SULT1C3: variants seen among roughly 807,000 people sequenced by gnomAD.
SULT1C3 encodes sulfotransferase 1C3.
Under a neutral mutation model 28.4 loss-of-function variants are expected in SULT1C3, and 31 were observed. That is an observed-to-expected ratio of 1.09 (90% CI 0.82 to 1.47). SULT1C3 has a LOEUF of 1.47. Among genes scored for constraint, SULT1C3 ranks in the 40% most tolerant of loss-of-function variants. The pLI, the probability that SULT1C3 is intolerant of heterozygous loss-of-function variation, is 0.00. For missense variants in SULT1C3, 307 were observed against 272.5 expected, an observed-to-expected ratio of 1.13 and a Z score of -0.89; for synonymous variants, 106 against 92.2, an observed-to-expected ratio of 1.15 and a Z score of -0.86.
At position 108,258,786 on chromosome 2, in the gene SULT1C3, C is replaced by G. The variant is rs776302968; in HGVS notation, c.579C>G (p.Asp193Glu). The change falls in exon 6 of 8, where the codon GAC (aspartate) becomes GAG (glutamate). Residue 193 changes from aspartate to glutamate, a missense_variant. By Grantham distance (45) the Asp-to-Glu change is conservative. Coordinates refer to ENST00000681802, the MANE Select transcript of SULT1C3 (RefSeq NM_001320878.2). ...DHVKGWWAAKDMHRILYLFYE... is the reference protein window; with the variant it reads ...DHVKGWWAAKEMHRILYLFYE... Reference sequence around the variant, plus strand: ...TGAAAGGATGGTGGGCTGCAAAAGACATGCACCGGATCCTCTACCTCTTCT... The same window carrying G: ...TGAAAGGATGGTGGGCTGCAAAAGAGATGCACCGGATCCTCTACCTCTTCT... 4.3e-6 allele frequency: 7 copies of G among 1,612,988 alleles called. No individual in the cohort carries two copies. In the East Asian group the frequency reaches 1.6e-4, roughly 36 times the overall value.
chr2:108,262,797 G>T (rs372175014), downstream of SULT1C3, among the ~76,000 whole-genome samples: 2 of 152,050 alleles, frequency 1.3e-5, no homozygotes, highest in African/African-American at 4.8e-5. Flanking sequence ...ACTGAGGGTC[G>T]GGCTGCTATT....
chr2:108,257,738 A>C (rs141549070), intron 5 of SULT1C3, among the ~76,000 whole-genome samples: 87 of 152,220 alleles, frequency 5.7e-4, no homozygotes, highest in African/African-American at 1.8e-3. Context: ...ATCTATGTAT[A>C]GGAAAAAACA....
downstream of SULT1C3, among the ~76,000 whole-genome samples, chr2:108,263,764 C>A (rs776702980): frequency 4.0e-4 from 61 of 152,172 alleles, no homozygotes; most frequent in Non-Finnish European, 7.9e-4. Flanking sequence ...AGTGCAAGTC[C>A]ATGACAATGT....
chr2:108,264,363 A>T (rs988264996), downstream of SULT1C3, among the ~76,000 whole-genome samples: 3 of 152,150 alleles, frequency 2.0e-5, no homozygotes, highest in African/African-American at 7.2e-5. Context: ...TCCTCCTCTT[A>T]GTGACCTTCT....
At chr2:108,254,379 G>A (rs1320763960) in intron 4 of SULT1C3, among the ~76,000 whole-genome samples, 1 of 151,914 alleles carries the variant, frequency 6.6e-6, no homozygotes, top group Non-Finnish European at 1.5e-5. Context: ...TTTTCATAGA[G>A]GGCCCCTACA....
intron 4 of SULT1C3, among the ~76,000 whole-genome samples, chr2:108,255,177 T>C (rs1347579007): frequency 6.6e-6 from 1 of 152,076 alleles, no homozygotes; most frequent in Non-Finnish European, 1.5e-5. Context: ...TCTCAACTCA[T>C]TGAGACACAG....
At chr2:108,253,243 A>G in intron 3 of SULT1C3, 102 bp from the exon 4 acceptor site, 2 of 686,190 alleles carry the variant, frequency 2.9e-6, no homozygotes, top group Non-Finnish European at 4.3e-6. Flanking sequence ...CAATGGATAT[A>G]AAACAAAATA....
downstream of SULT1C3, chr2:108,264,957 T>G (rs748538273): frequency 1.2e-6 from 2 of 1,613,936 alleles, no homozygotes; most frequent in African/African-American, 1.3e-5. Flanking sequence ...CTATACCACT[T>G]TGCCCACCAG....
downstream of SULT1C3, among the ~76,000 whole-genome samples, chr2:108,264,089 T>C (rs1676079179): frequency 6.6e-6 from 1 of 152,198 alleles, no homozygotes; most frequent in Non-Finnish European, 1.5e-5. Flanking sequence ...CAAAGTTTAA[T>C]CCATATAAAC....
intron 2 of SULT1C3, among the ~76,000 whole-genome samples, chr2:108,248,645 T>C (rs1420202392): frequency 6.6e-6 from 1 of 152,082 alleles, no homozygotes; most frequent in Non-Finnish European, 1.5e-5. Context: ...CTCCATGAGA[T>C]CAGGCAAGGA....
chr2:108,242,642 C>T (rs1391343671), intron 1 of SULT1C3, among the ~76,000 whole-genome samples: 2 of 152,114 alleles, frequency 1.3e-5, no homozygotes, highest in Non-Finnish European at 2.9e-5. Flanking sequence ...AATGTGAAAC[C>T]CCCAAAACAT....
chr2:108,258,454 A>G (rs1488147821), intron 5 of SULT1C3, among the ~76,000 whole-genome samples: 1 of 152,102 alleles, frequency 6.6e-6, no homozygotes, highest in Admixed American at 6.6e-5. Context: ...CTGAAACTAA[A>G]CATGGTTTAC....
At chr2:108,243,992 G>T (rs1461330846) in intron 1 of SULT1C3, among the ~76,000 whole-genome samples, 1 of 152,194 alleles carries the variant, frequency 6.6e-6, no homozygotes, top group Non-Finnish European at 1.5e-5. Context: ...GGCCAAGTTT[G>T]TTACTATTAT....
downstream of SULT1C3, among the ~76,000 whole-genome samples, chr2:108,260,909 T>C (rs1226336397): frequency 6.6e-6 from 1 of 152,150 alleles, no homozygotes; most frequent in Non-Finnish European, 1.5e-5. Context: ...ATGAGTTTTT[T>C]TGTTTGTTTG....
At chr2:108,243,238 T>C (rs536962463) in intron 1 of SULT1C3, among the ~76,000 whole-genome samples, 5 of 152,302 alleles carry the variant, frequency 3.3e-5, no homozygotes, top group African/African-American at 1.2e-4. Context: ...GCGCCCGAGC[T>C]GTCCTTGCCC....
chr2:108,243,085 A>G (rs1333451449), intron 1 of SULT1C3, among the ~76,000 whole-genome samples: 1 of 152,218 alleles, frequency 6.6e-6, no homozygotes, highest in Admixed American at 6.5e-5. Context: ...GGTGAAACCA[A>G]TGAGCCTTAA....
chr2:108,248,958 AT>A (rs1675659272), intron 2 of SULT1C3, among the ~76,000 whole-genome samples: 1 of 152,154 alleles, frequency 6.6e-6, no homozygotes, highest in African/African-American at 2.4e-5. Flanking sequence ...AATTTAAAGT[AT>A]AATAAAAGTT....
intron 5 of SULT1C3, among the ~76,000 whole-genome samples, chr2:108,258,453 A>C (rs906184298): frequency 6.6e-6 from 1 of 152,222 alleles, no homozygotes; most frequent in Non-Finnish European, 1.5e-5. Context: ...TCTGAAACTA[A>C]ACATGGTTTA....
At chr2:108,257,863 A>G (rs970896309) in intron 5 of SULT1C3, among the ~76,000 whole-genome samples, 6 of 152,024 alleles carry the variant, frequency 3.9e-5, no homozygotes, top group African/African-American at 1.2e-4. Flanking sequence ...GGATTTGCCT[A>G]TTGCTCTGTG....
Sources: allele counts gnomAD v4.1 joint callset (sites outside exome capture counted in the v4.1 genomes callset), GRCh38; gene constraint gnomAD v4.1.1; transcripts MANE v1.5; gene names NCBI Gene and HGNC (gene_info 2026-07-23, HGNC 2026-07-21).